The following ANKRD30B variants were observed in gnomAD, a reference collection of about 807,000 sequenced individuals.
The protein encoded by ANKRD30B is ankyrin repeat domain 30B.
A neutral mutation model predicts 202.2 loss-of-function variants in ANKRD30B; 144 were observed. That is an observed-to-expected ratio of 0.71 (90% CI 0.62 to 0.82). The LOEUF is 0.82. Ranked by LOEUF, ANKRD30B falls within the 40% of genes least tolerant of loss-of-function variation. ANKRD30B has a pLI of 0.00. For missense variants in ANKRD30B, 1,487 were observed against 1,669.1 expected (o/e 0.89, Z 1.90); for synonymous variants, 508 against 561.3 (o/e 0.91, Z 1.34).
chr18:14,777,291 G>A (rs1186942990), intron 9 of ANKRD30B, among the ~76,000 whole-genome samples: 2 of 136,638 alleles, frequency 1.5e-5, no homozygotes, highest in Non-Finnish European at 3.3e-5. Flanking sequence ...TTAAAAAAAA[G>A]TTTTAATTAT....
At chr18:14,765,661 G>T (rs1916007736) in intron 7 of ANKRD30B, among the ~76,000 whole-genome samples, 4 of 152,214 alleles carry the variant, frequency 2.6e-5, no homozygotes, top group Non-Finnish European at 5.9e-5. Context: ...CAGTTTGCTG[G>T]CCCTTCACAT....
At chr18:14,888,724 G>C in the ANKRD30B span, 233 of 866,304 alleles carry the variant, frequency 2.7e-4, no homozygotes, top group Non-Finnish European at 3.7e-4. Flanking sequence ...GCCATAGGAA[G>C]AACGTGGGCT....
chr18:14,804,988 T>C (rs1457887500), intron 24 of ANKRD30B, among the ~76,000 whole-genome samples: 2 of 150,710 alleles, frequency 1.3e-5, no homozygotes, highest in Admixed American at 1.3e-4. Context: ...CCAGAGACTT[T>C]TGGAATCATG....
chr18:14,859,979 A>T, the ANKRD30B span, among the ~76,000 whole-genome samples: 7 of 130,526 alleles, frequency 5.4e-5, no homozygotes, highest in Middle Eastern at 5.3e-3. Flanking sequence ...GACCGGGAAG[A>T]GGCGCTCCCC....
At position 14,854,467 on chromosome 18, in the gene ANKRD30B, T is replaced by C. The variant is rs1355145757; in HGVS notation, c.*309T>C. On this transcript the variant is annotated 3_prime_UTR_variant, in exon 44 of 44. Coordinates refer to ENST00000690538, the MANE Select transcript of ANKRD30B (RefSeq NM_001367607.2). ...GGTCCTTTCTTCACAAGACCAGTCTTTGCTCCAGAAATGAATCCTTATCAT... is the reference window on the plus strand; with the variant it reads ...GGTCCTTTCTTCACAAGACCAGTCTCTGCTCCAGAAATGAATCCTTATCAT... 6.6e-6 allele frequency among the ~76,000 whole-genome samples: 1 copy of C among 152,166 alleles called. No individual in the cohort carries two copies. Among genetic ancestry groups the C allele is most frequent in the Non-Finnish European group, 1.5e-5 (1 of 68,026 alleles).
chr18:14,825,211 A>G (rs1238424650), intron 32 of ANKRD30B: 1 of 152,214 alleles, frequency 6.6e-6, no homozygotes, highest in African/African-American at 2.4e-5. Context: ...ATCCTTTTGC[A>G]TAGTTTGTCT....
the ANKRD30B span, among the ~76,000 whole-genome samples, chr18:14,879,985 T>G: frequency 6.4e-4 from 98 of 152,242 alleles, no homozygotes; most frequent in Middle Eastern, 3.4e-3. Flanking sequence ...GTTTATCCAG[T>G]GTTATCTTGT....
chr18:14,760,690 G>T, intron 6 of ANKRD30B, 72 bp downstream of exon 6: 1 of 1,150,332 alleles, frequency 8.7e-7, no homozygotes, highest in South Asian at 1.5e-5. Context: ...TCACAAAAAA[G>T]CAATTCAAAA....
At position 14,778,065 on chromosome 18, in the gene ANKRD30B, C is replaced by A. The variant is rs1967490951; in HGVS notation, c.1410C>A (p.His470Gln). 6.5e-7 allele frequency: 1 copy of A among 1,541,356 alleles called. No homozygotes were observed. Among genetic ancestry groups the A allele is most frequent in the African/African-American group, 1.4e-5 (1 of 72,734 alleles). Residue 470 changes from histidine to glutamine, a missense_variant, in exon 10 of 44, where the codon CAC (histidine) becomes CAA (glutamine). By Grantham distance (24) the His-to-Gln change is conservative (BLOSUM62 0). This residue lies in a region of ANKRD30B where 889 missense variants were observed against 841.4 expected (regional missense o/e 1.06). Transcript: ENST00000690538. Reference sequence around the variant, plus strand: ...AAAAAGATATCAAAACAATAAATCACAAAATAGAAGGTAAGAACCATTTTT... The same window carrying A: ...AAAAAGATATCAAAACAATAAATCAAAAAATAGAAGGTAAGAACCATTTTT... ...TYQKDIKTIN[H>Q]KIEDQMFPSE...
chr18:14,748,477 C>A lies in ANKRD30B; in HGVS notation c.58C>A (p.Pro20Thr), dbSNP rs1403895620. Residue 20 changes from proline (P) to threonine (T), a missense_variant, in exon 1 of 44, where the codon CCC becomes ACC. Coordinates refer to ENST00000690538, the MANE Select transcript of ANKRD30B (RefSeq NM_001367607.2). ...CGTGCGGGGCCCGGAGCCCCCGAAC[C>A]CCTTCAGCGAACGGGTCTACACTGA... ...KGVRGPEPPNPFSERVYTEKD... is the reference protein window; with the variant it reads ...KGVRGPEPPNTFSERVYTEKD... 20 of 1,546,470 alleles carry A rather than the reference C, an allele frequency of 1.3e-5. No individual in the cohort carries two copies. Among genetic ancestry groups the A allele is most frequent in the Non-Finnish European group, 1.7e-5 (19 of 1,144,008 alleles).
the ANKRD30B span, among the ~76,000 whole-genome samples, chr18:14,875,500 A>C: frequency 6.6e-6 from 1 of 152,142 alleles, no homozygotes; most frequent in Non-Finnish European, 1.5e-5. Flanking sequence ...TGTGGCTGGC[A>C]TAGTCAATAA....
the ANKRD30B span, among the ~76,000 whole-genome samples, chr18:14,899,323 C>A: frequency 6.6e-6 from 1 of 151,916 alleles, no homozygotes. Flanking sequence ...AAAATGACCT[C>A]ATATAGCATG....
rs532299537 is a variant in ANKRD30B, at chr18:14,847,437, T to C, written c.3182-1279T>C. 8.0e-4 allele frequency among the ~76,000 whole-genome samples: 114 copies of C among 142,394 alleles called. 1 individual carries two copies. Among genetic ancestry groups the C allele is most frequent in the Non-Finnish European group, 1.4e-3 (94 of 65,776 alleles). 93.4% of individuals were successfully genotyped at this position (142,394 alleles called of 152,430 possible). On this transcript the variant is annotated intron_variant, in intron 39 of 43. Coordinates refer to ENST00000690538, the MANE Select transcript of ANKRD30B (RefSeq NM_001367607.2). ...TTTTTCTGTCTCTCCTTCTACCTCT[T>C]TGTGGACTTACATATTACCTGCTGG... is the stretch of plus-strand genomic sequence containing the variant.
chr18:14,866,149 A>G, the ANKRD30B span, among the ~76,000 whole-genome samples: 2 of 152,264 alleles, frequency 1.3e-5, no homozygotes, highest in African/African-American at 2.4e-5. Flanking sequence ...GCGTAACCCC[A>G]CGTGCATGCT....
chr18:14,776,454 A>G (rs1465614808), intron 9 of ANKRD30B, among the ~76,000 whole-genome samples: 1 of 152,190 alleles, frequency 6.6e-6, no homozygotes, highest in Admixed American at 6.5e-5. Flanking sequence ...ACTGCCATTT[A>G]ATCTCCCATC....
At chr18:14,837,561 T>C in intron 35 of ANKRD30B, 54 bp from the exon 36 acceptor site, 1 of 1,314,482 alleles carries the variant, frequency 7.6e-7, no homozygotes, top group Non-Finnish European at 1.0e-6. Flanking sequence ...TATAGTTTTA[T>C]GATTTACAGT....
In ANKRD30B at chr18:14,852,066, A is replaced by G; in HGVS notation, c.4122A>G (p.Arg1374=). Residue 1374 remains arginine (R), a synonymous_variant, in exon 42 of 44, where the codon AGA becomes AGG. Transcript: ENST00000690538. ...INLNYAGDDL[R]ENALVSEHAQ... ...TCAATTATGCAGGAGATGATCTAAGAGAAAATGCATTGGTTTCAGAACATG... is the reference window on the plus strand; with the variant it reads ...TCAATTATGCAGGAGATGATCTAAGGGAAAATGCATTGGTTTCAGAACATG... The G allele has an allele frequency of 6.2e-7, 1 of 1,609,582 alleles. No individual in the cohort carries two copies. Among genetic ancestry groups the G allele is most frequent in the African/African-American group, 1.3e-5 (1 of 74,784 alleles).
intron 1 of ANKRD30B, among the ~76,000 whole-genome samples, chr18:14,751,229 T>A (rs1913396689): frequency 6.6e-6 from 1 of 152,020 alleles, no homozygotes; most frequent in African/African-American, 2.4e-5. Flanking sequence ...AGTTTTATTA[T>A]TAGAAAAATA....
the ANKRD30B span, among the ~76,000 whole-genome samples, chr18:14,881,282 C>A: frequency 6.6e-6 from 1 of 152,132 alleles, no homozygotes; most frequent in East Asian, 1.9e-4. Flanking sequence ...TTGCTGAGAG[C>A]TTTAATCATA....
Sources: allele counts gnomAD v4.1 joint callset (sites outside exome capture counted in the v4.1 genomes callset), GRCh38; gene constraint gnomAD v4.1.1; regional missense constraint gnomAD v4.1.1; transcripts MANE v1.5; gene names NCBI Gene and HGNC (gene_info 2026-07-23, HGNC 2026-07-21).